PPP2R3B: variants seen among roughly 807,000 people sequenced by gnomAD.
PPP2R3B encodes serine/threonine-protein phosphatase 2A regulatory subunit B'' subunit beta.
A neutral mutation model predicts 72.9 loss-of-function variants in PPP2R3B; 68 were observed. The observed-to-expected ratio is 0.93, with a 90% CI of 0.77 to 1.14. The LOEUF (loss-of-function observed/expected upper bound fraction) is 1.14, where lower values mean the gene tolerates loss of function less well. Among genes scored for constraint, PPP2R3B ranks in the 50% most tolerant of loss-of-function variants. The pLI, the probability that PPP2R3B is intolerant of heterozygous loss-of-function variation, is 0.00. For missense variants in PPP2R3B, 1,018 were observed against 842.0 expected (o/e 1.21, Z -2.59); for synonymous variants, 466 against 375.8 (o/e 1.24, Z -2.78).
intron 2 of PPP2R3B, 147 bp downstream of exon 2, chrX:361,258 C>T (rs2071531866): frequency 4.7e-6 from 4 of 856,826 alleles, no homozygotes; most frequent in Admixed American, 2.6e-5. Flanking sequence ...ACCTGGGCCG[C>T]TCCCGCACAC....
chrX:377,804 A>G (rs113596360), intron 1 of PPP2R3B, among the ~76,000 whole-genome samples: 279 of 112,054 alleles, frequency 2.5e-3, no homozygotes, highest in Middle Eastern at 0.013. Context: ...CAGTGGGGCC[A>G]CCATGGGGCT....
intron 2 of PPP2R3B, among the ~76,000 whole-genome samples, chrX:355,281 C>T (rs1482243766): frequency 2.0e-5 from 3 of 152,168 alleles, no homozygotes; most frequent in Admixed American, 6.5e-5. Context: ...ACAGGAAATG[C>T]TTGGGTATCA....
rs758788299 is a variant in PPP2R3B at position 338,912 on chromosome X, T to C, written c.1352-16A>G. On this transcript the variant is annotated splice_polypyrimidine_tract_variant and intron_variant, in intron 10 of 12. Transcript: ENST00000390665. Reference sequence around the variant, plus strand: ...GTGATCTTCCCTGCGGGGAGGGGAGTGCGTCCAAGGCGCGTGAGCCCGGTC... The same window carrying C: ...GTGATCTTCCCTGCGGGGAGGGGAGCGCGTCCAAGGCGCGTGAGCCCGGTC... The C allele has an allele frequency of 2.5e-6, 4 of 1,607,876 alleles. No individual in the cohort carries two copies. The highest frequency in any genetic ancestry group is 3.3e-5 in the Admixed American group (2 of 59,996).
At chrX:351,265 C>A (rs756129189) in intron 2 of PPP2R3B, among the ~76,000 whole-genome samples, 2 of 152,098 alleles carry the variant, frequency 1.3e-5, no homozygotes, top group Non-Finnish European at 2.9e-5. Context: ...GGTGCAGCAC[C>A]GGGTCCTTGG....
intron 7 of PPP2R3B, chrX:345,227 A>G (rs2071172101): frequency 2.5e-5 from 16 of 647,640 alleles, no homozygotes; most frequent in Non-Finnish European, 4.6e-5. Context: ...GAAGCCCCAC[A>G]GCGCTGCTGG....
chrX:340,328 G>A (rs1448587411), intron 10 of PPP2R3B, among the ~76,000 whole-genome samples: 2 of 151,206 alleles, frequency 1.3e-5, no homozygotes, highest in African/African-American at 2.4e-5. Context: ...CACCCCTCGG[G>A]GGGTGTCGAC....
At chrX:363,983 C>T (rs1051063909) in intron 1 of PPP2R3B, among the ~76,000 whole-genome samples, 4 of 152,214 alleles carry the variant, frequency 2.6e-5, no homozygotes, top group Non-Finnish European at 4.4e-5. Flanking sequence ...CTAGACGGCG[C>T]CCACAGGCTG....
At chrX:344,569 C>T (rs1397862647) in intron 7 of PPP2R3B, among the ~76,000 whole-genome samples, 1 of 152,224 alleles carries the variant, frequency 6.6e-6, no homozygotes, top group Non-Finnish European at 1.5e-5. Context: ...GGGGCCGCGC[C>T]GGGCCGGGGG....
chrX:347,517 C>T lies in PPP2R3B; in HGVS notation c.614+73G>A, dbSNP rs1481960386. 42 of 1,480,172 alleles carry T rather than the reference C, an allele frequency of 2.8e-5. No homozygotes were observed. In the East Asian group the frequency reaches 3.6e-4, roughly 13 times the overall value. The allele number at this position is 1,480,172 out of a possible 1,614,324, so 91.7% of individuals were successfully genotyped here. A position where few individuals can be genotyped will look rare whatever the true frequency, so the allele number is the denominator to read the frequency against. On this transcript the variant is annotated intron_variant, in intron 3 of 12. Transcript: ENST00000390665. ...CACTGCGGCAGCCTCAGGGGGCACC[C>T]GTCCTGGCACCACGGGGACCCGGGG... is the stretch of plus-strand genomic sequence containing the variant.
chrX:337,363 AG>A (rs1487487115), intron 12 of PPP2R3B: 2 of 152,192 alleles, frequency 1.3e-5, no homozygotes, highest in Admixed American at 6.6e-5. Context: ...GACAGGCGTG[AG>A]CCACCGCGCC....
chrX:381,310 ATC>A (rs1045784613), intron 1 of PPP2R3B, among the ~76,000 whole-genome samples: 1 of 152,118 alleles, frequency 6.6e-6, no homozygotes, highest in African/African-American at 2.4e-5. Context: ...ACAGAATGCA[ATC>A]TCTCTGCTCA....
At chrX:345,699 C>T (rs200082115) in intron 6 of PPP2R3B, 27 bp from the exon 7 acceptor site, 5 of 1,528,158 alleles carry the variant, frequency 3.3e-6, no homozygotes, top group Admixed American at 1.8e-5. Context: ...GCGGCCTGAG[C>T]GCGGGGCCTC....
intron 7 of PPP2R3B, among the ~76,000 whole-genome samples, chrX:344,472 C>T (rs1191258969): frequency 6.6e-6 from 1 of 152,372 alleles, no homozygotes; most frequent in Non-Finnish European, 1.5e-5. Context: ...CGCTTCAGGC[C>T]GCAGTGCGTG....
At chrX:347,743 C>T (rs367679414) in intron 2 of PPP2R3B, 50 bp from the exon 3 acceptor site, 57 of 1,386,908 alleles carry the variant, frequency 4.1e-5, no homozygotes, top group Admixed American at 5.5e-5. Flanking sequence ...TGGACGCCGG[C>T]GCTCCTGCTG....
In PPP2R3B at chrX:386,684, G is replaced by C. The variant is rs768482944; in HGVS notation, c.8C>G (p.Pro3Arg). MP[P>R]GKVLQPVLKM... is the part of the protein sequence containing the mutation. ...CAGGACCGGCTGCAGCACTTTGCCG[G>C]GCGGCATGGCGGGGGCTGGGCCCGC... is the stretch of plus-strand genomic sequence containing the variant. The change falls in exon 1 of 13, where the codon CCC (proline) becomes CGC (arginine). Residue 3 changes from proline to arginine, a missense_variant. Pro to Arg is a moderately radical substitution (Grantham distance 103). Transcript: ENST00000390665. The C allele has an allele frequency of 7.7e-7, 1 of 1,302,896 alleles. No individual in the cohort carries two copies. Among genetic ancestry groups the C allele is most frequent in the South Asian group, 2.4e-5 (1 of 41,382 alleles). 80.7% of individuals were successfully genotyped at this position (1,302,896 alleles called of 1,614,324 possible). A position where few individuals can be genotyped will look rare whatever the true frequency, so the allele number is the denominator to read the frequency against.
intron 2 of PPP2R3B, among the ~76,000 whole-genome samples, chrX:359,093 A>T (rs1193913488): frequency 1.3e-5 from 2 of 152,162 alleles, no homozygotes; most frequent in African/African-American, 4.8e-5. Flanking sequence ...AAGCGGACGC[A>T]GCGCGTGAGC....
chrX:342,024 G>A lies in PPP2R3B; in HGVS notation c.1037-93C>T, dbSNP rs61676174. The A allele has an allele frequency of 7.1e-3, 10,471 of 1,484,028 alleles. 643 individuals carry two copies. The African/African-American group carries it at 0.13, about 18-fold the overall frequency. 91.9% of individuals were successfully genotyped at this position (1,484,028 alleles called of 1,614,324 possible). A position where few individuals can be genotyped will look rare whatever the true frequency, so the allele number is the denominator to read the frequency against. Reference sequence around the variant, plus strand: ...GCCGAGACTGGATGCGGTGGGGACCGAAAAGCTGAGAGGACGCCTGGGTCT... The same window carrying A: ...GCCGAGACTGGATGCGGTGGGGACCAAAAAGCTGAGAGGACGCCTGGGTCT... On this transcript the variant is annotated intron_variant, in intron 7 of 12. Transcript: ENST00000390665.
intron 1 of PPP2R3B, among the ~76,000 whole-genome samples, chrX:372,315 T>A (rs1156872791): frequency 6.6e-6 from 1 of 151,886 alleles, no homozygotes; most frequent in African/African-American, 2.4e-5. Flanking sequence ...ACAGAAAAAA[T>A]TTCAATTAAA....
At chrX:351,460 T>C (rs1203620319) in intron 2 of PPP2R3B, among the ~76,000 whole-genome samples, 1 of 152,216 alleles carries the variant, frequency 6.6e-6, no homozygotes, top group Non-Finnish European at 1.5e-5. Flanking sequence ...ATCAGATCTA[T>C]CCAGCCGTGC....
Sources: gnomAD v4.1 joint callset for allele counts (sites outside exome capture counted in the v4.1 genomes callset) on GRCh38, gnomAD v4.1.1 for gene constraint, MANE v1.5 for transcripts, NCBI Gene and HGNC (gene_info 2026-07-23, HGNC 2026-07-21) for gene names.